Variants in ABHD2 observed in about 807,000 individuals in gnomAD.
ABHD2 encodes the protein monoacylglycerol lipase ABHD2.
In ABHD2, 20 loss-of-function variants were observed where a neutral mutation model predicts 48.1. The ratio of observed to expected loss-of-function variants is 0.42; its 90% confidence interval spans 0.29 to 0.60. The LOEUF (loss-of-function observed/expected upper bound fraction) is 0.60. Among genes scored for constraint, ABHD2 ranks in the 20% least tolerant of loss-of-function variants. The probability of loss-of-function intolerance (pLI) is 0.24; values close to 1 mark genes in which losing one functional copy is unlikely to be tolerated. For synonymous variants in ABHD2, 209 were observed against 214.2 expected (o/e 0.98, Z 0.21); for missense variants, 405 against 550.9 (o/e 0.74, Z 2.65).
chr15:89,045,467 T>A, the ABHD2 span, among the ~76,000 whole-genome samples: 1 of 152,234 alleles, frequency 6.6e-6, no homozygotes, highest in Non-Finnish European at 1.5e-5. Context: ...GGGGATGGCA[T>A]TGAATCTATA....
the ABHD2 span, among the ~76,000 whole-genome samples, chr15:89,063,313 G>A: frequency 1.3e-5 from 2 of 151,576 alleles, no homozygotes; most frequent in Middle Eastern, 3.4e-3. Flanking sequence ...TTTCTTTTGA[G>A]GTCAGGTTTA....
At chr15:89,133,117 C>T (rs982317544) in intron 3 of ABHD2, among the ~76,000 whole-genome samples, 1 of 152,166 alleles carries the variant, frequency 6.6e-6, no homozygotes, top group African/African-American at 2.4e-5. Context: ...CCAGTAGAAC[C>T]TATGACCTTG....
In ABHD2 at chr15:89,151,449, T is replaced by C. The variant is rs148912400; in HGVS notation, c.195-228T>C. Among the ~76,000 whole-genome samples, 20 of 152,350 alleles carry C rather than the reference T, an allele frequency of 1.3e-4. No individual in the cohort carries two copies. In the East Asian group the frequency reaches 3.7e-3, roughly 28 times the overall value. On this transcript the variant is annotated intron_variant, in intron 3 of 10. Transcript: ENST00000352732. This position sits in a 1 kb window ranked among gnomAD's most constrained non-coding sequence, Gnocchi z 4.7. ...ACCCTAAATTGAAATCCTCTTTATA[T>C]ATATGTCCTGGTTGATTTCTAAAGC...
At chr15:89,078,467 T>G in the ABHD2 span, among the ~76,000 whole-genome samples, 1 of 152,170 alleles carries the variant, frequency 6.6e-6, no homozygotes, top group Non-Finnish European at 1.5e-5. Context: ...GATCGTTGCA[T>G]TTGGATATTT....
chr15:89,055,366 G>T, the ABHD2 span, among the ~76,000 whole-genome samples: 20 of 110,696 alleles, frequency 1.8e-4, no homozygotes, highest in African/African-American at 5.3e-4. Flanking sequence ...CATTTCTGTT[G>T]CTCAGGCTGG....
chr15:89,196,275 CG>C lies in ABHD2; in HGVS notation c.*854del, dbSNP rs1209542967. The C allele has an allele frequency of 6.6e-6, 1 of 152,170 alleles. No individual in the cohort carries two copies. Among genetic ancestry groups the C allele is most frequent in the African/African-American group, 2.4e-5 (1 of 41,422 alleles). 9.4% of individuals were successfully genotyped at this position (152,170 alleles called of 1,614,324 possible). ...CCCACGGTCTCCAGAGCAGCAAGGC[CG>C]GCTATGGAGCTGCCGTCGTGTGACC... On this transcript the variant is annotated 3_prime_UTR_variant, in exon 11 of 11. Transcript: ENST00000352732.
chr15:89,067,851 T>C, the ABHD2 span, among the ~76,000 whole-genome samples: 2 of 152,142 alleles, frequency 1.3e-5, no homozygotes, highest in Admixed American at 1.3e-4. Context: ...CCATGACACA[T>C]TGGGGTCTCC....
the ABHD2 span, among the ~76,000 whole-genome samples, chr15:89,064,365 A>G: frequency 1.3e-5 from 2 of 151,910 alleles, 1 homozygote. Flanking sequence ...GACTACAGAC[A>G]TGTGCTACCA....
At chr15:89,153,587 C>G (rs1370845444) in intron 4 of ABHD2, among the ~76,000 whole-genome samples, 2 of 152,138 alleles carry the variant, frequency 1.3e-5, no homozygotes, top group African/African-American at 4.8e-5. Flanking sequence ...TTCCATCACT[C>G]CTGCCCCCAG....
chr15:89,076,520 G>C, the ABHD2 span, among the ~76,000 whole-genome samples: 1 of 152,074 alleles, frequency 6.6e-6, no homozygotes, highest in Non-Finnish European at 1.5e-5. Context: ...ATCTTGCTCT[G>C]TTACCCAGGC....
the ABHD2 span, among the ~76,000 whole-genome samples, chr15:89,072,099 T>C: frequency 6.6e-6 from 1 of 152,174 alleles, no homozygotes; most frequent in Non-Finnish European, 1.5e-5. Context: ...CAAAAATGTC[T>C]CCGTTAGAAA....
chr15:89,047,966 A>T, the ABHD2 span, among the ~76,000 whole-genome samples: 37,216 of 144,838 alleles, frequency 0.26, 5,070 homozygotes, highest in African/African-American at 0.35. Context: ...ATTTTGCTCG[A>T]TAGTTCATGC....
intron 3 of ABHD2, among the ~76,000 whole-genome samples, chr15:89,128,792 G>A (rs1246159207): frequency 6.6e-6 from 1 of 152,126 alleles, no homozygotes; most frequent in African/African-American, 2.4e-5. Flanking sequence ...GGTCTGTGGG[G>A]GGGAGGAAGA....
At chr15:89,044,560 C>T in the ABHD2 span, among the ~76,000 whole-genome samples, 1 of 151,678 alleles carries the variant, frequency 6.6e-6, no homozygotes, top group African/African-American at 2.4e-5. Flanking sequence ...TCCTCTCCAG[C>T]ACCTGTTGTT....
At chr15:89,049,072 A>G in the ABHD2 span, among the ~76,000 whole-genome samples, 1 of 151,970 alleles carries the variant, frequency 6.6e-6, no homozygotes, top group Admixed American at 6.6e-5. Context: ...TGGTGTGGAT[A>G]TCCTTTCTGT....
Position 89,189,887 on chromosome 15 carries a change from T to C in ABHD2, c.927-1193T>C, listed in dbSNP as rs1018232853. 3.9e-5 allele frequency among the ~76,000 whole-genome samples: 6 copies of C among 152,148 alleles called. No individual in the cohort carries two copies. Among genetic ancestry groups the C allele is most frequent in the Non-Finnish European group, 5.9e-5 (4 of 68,012 alleles). Reference sequence around the variant, plus strand: ...CTAAAGTCTTTCCTCTTTAATAGCGTTGGAAAATAGCAGTTTTATGATCAT... The same window carrying C: ...CTAAAGTCTTTCCTCTTTAATAGCGCTGGAAAATAGCAGTTTTATGATCAT... On this transcript the variant is annotated intron_variant, in intron 8 of 10. Transcript: ENST00000352732. This position sits in a 1 kb window ranked among gnomAD's most constrained non-coding sequence, Gnocchi z 4.9.
At chr15:89,060,433 GT>G in the ABHD2 span, among the ~76,000 whole-genome samples, 2 of 151,792 alleles carry the variant, frequency 1.3e-5, no homozygotes, top group African/African-American at 2.4e-5. Flanking sequence ...AAAACAAAGA[GT>G]TTTTTCGCTC....
At chr15:89,135,790 C>G (rs2050299706) in intron 3 of ABHD2, 1 of 828,664 alleles carries the variant, frequency 1.2e-6, no homozygotes, top group Non-Finnish European at 2.1e-6. Flanking sequence ...CTCCCAGTTT[C>G]TTTGCAACAT....
rs1324426248 is a variant in ABHD2 at position 89,166,763 on chromosome 15, C to G, written c.539-9049C>G. Among the ~76,000 whole-genome samples the G allele has an allele frequency of 6.6e-6, 1 of 152,190 alleles. No individual in the cohort carries two copies. The highest frequency in any genetic ancestry group is 2.4e-5 in the African/African-American group (1 of 41,452). ...AAGGCTACACTGAGCTGTGATCATG[C>G]CACTGCACAGCCTGAGCTACAGAGT... On this transcript the variant is annotated intron_variant, in intron 5 of 10. Transcript: ENST00000352732. This position sits in a 1 kb window ranked among gnomAD's most constrained non-coding sequence, Gnocchi z 4.6.
Sources: allele counts gnomAD v4.1 joint callset (sites outside exome capture counted in the v4.1 genomes callset), GRCh38; gene constraint gnomAD v4.1.1; non-coding constraint Gnocchi (gnomAD v3.1); transcripts MANE v1.5; gene names NCBI Gene and HGNC (gene_info 2026-07-23, HGNC 2026-07-21).